DYM: variants seen among roughly 807,000 people sequenced by gnomAD.
DYM encodes the protein dymeclin.
A neutral mutation model predicts 93.1 loss-of-function variants in DYM; 78 were observed. That is an observed-to-expected ratio of 0.84 (90% confidence interval 0.70 to 1.01). DYM has a LOEUF of 1.01. Ranked by LOEUF, DYM falls within the 50% of genes least tolerant of loss-of-function variation. The pLI is 0.00. For missense variants in DYM, 789 were observed against 845.0 expected (o/e 0.93, Z 0.82); for synonymous variants, 321 against 319.7 (o/e 1.00, Z -0.04).
At chr18:49,244,958 G>A (rs2094129250) in intron 13 of DYM, among the ~76,000 whole-genome samples, 1 of 152,222 alleles carries the variant, frequency 6.6e-6, no homozygotes, top group Admixed American at 6.5e-5. Context: ...CAGAGGGACT[G>A]GCTGAAGCCA....
intron 16 of DYM, among the ~76,000 whole-genome samples, chr18:49,107,858 C>T (rs1300738532): frequency 2.0e-5 from 3 of 152,204 alleles, no homozygotes; most frequent in African/African-American, 7.2e-5. Flanking sequence ...GGGTCAGGGA[C>T]CCACTTGAGA....
intron 2 of DYM, among the ~76,000 whole-genome samples, chr18:49,426,379 C>T (rs140134905): frequency 0.096 from 11,611 of 120,490 alleles, 678 homozygotes; most frequent in East Asian, 0.31. Context: ...GGGAACATCA[C>T]ACACTGGGGC....
chr18:49,335,768 G>A (rs1340364792), intron 6 of DYM, among the ~76,000 whole-genome samples: 1 of 151,930 alleles, frequency 6.6e-6, no homozygotes, highest in East Asian at 1.9e-4. Context: ...ATTTAGATAG[G>A]CAGATGGATG....
At chr18:49,309,900 TCAACCCTATC>T (rs1373395898) in intron 8 of DYM, among the ~76,000 whole-genome samples, 1 of 152,154 alleles carries the variant, frequency 6.6e-6, no homozygotes, top group Non-Finnish European at 1.5e-5. Context: ...AGGGTCGAAA[TCAACCCTATC>T]CAGACGGCAT....
chr18:49,440,059 A>G (rs1021936316), intron 1 of DYM, among the ~76,000 whole-genome samples: 9 of 128,868 alleles, frequency 7.0e-5, no homozygotes, highest in African/African-American at 2.1e-4. Flanking sequence ...TAAATAAAAC[A>G]TGATATGCTC....
At chr18:49,170,524 G>A (rs2088538315) in intron 14 of DYM, among the ~76,000 whole-genome samples, 1 of 152,126 alleles carries the variant, frequency 6.6e-6, no homozygotes, top group Non-Finnish European at 1.5e-5. Context: ...GCTCACACCT[G>A]TAATCCCAGC....
intron 15 of DYM, among the ~76,000 whole-genome samples, chr18:49,146,454 T>C (rs192853315): frequency 6.6e-6 from 1 of 152,338 alleles, no homozygotes; most frequent in East Asian, 1.9e-4. Flanking sequence ...CCCCATTGTC[T>C]CAGCACAAAA....
intron 17 of DYM, among the ~76,000 whole-genome samples, chr18:49,050,974 G>A (rs1041000009): frequency 6.6e-6 from 1 of 152,092 alleles, no homozygotes; most frequent in African/African-American, 2.4e-5. Flanking sequence ...TGTGACACAG[G>A]TATTATTCAC....
chr18:49,108,551 T>C (rs1426073332), intron 16 of DYM, among the ~76,000 whole-genome samples: 1 of 152,188 alleles, frequency 6.6e-6, no homozygotes. Flanking sequence ...TTGGCTCTTC[T>C]TACTGATTTC....
At chr18:49,294,007 G>A (rs1322835692) in intron 8 of DYM, among the ~76,000 whole-genome samples, 4 of 152,162 alleles carry the variant, frequency 2.6e-5, no homozygotes, top group African/African-American at 9.7e-5. Flanking sequence ...GTGTAAGGAA[G>A]GGGTCCAGTT....
At position 49,292,611 on chromosome 18, in the gene DYM, AAAAAAAAAAAAAAACC is replaced by A. The variant is rs1568188918; in HGVS notation, c.764-6011_764-5996del. ...CTGTTGGAAAAAAAAAAAAAAAAAAAAAAAAAAAAAAAAACCCCCACAAAAACCTGTCCACCAGAAA... is the reference window on the plus strand; with the variant it reads ...CTGTTGGAAAAAAAAAAAAAAAAAAACCCACAAAAACCTGTCCACCAGAAA... On this transcript the variant is annotated intron_variant, in intron 8 of 17. Coordinates refer to ENST00000675505, the MANE Select transcript of DYM (RefSeq NM_001353214.3). 4.3e-5 allele frequency among the ~76,000 whole-genome samples: 6 copies of A among 140,444 alleles called. 1 individual carries two copies. Among genetic ancestry groups the A allele is most frequent in the East Asian group, 2.0e-4 (1 of 5,010 alleles). The allele number at this position is 140,444 out of a possible 152,430, so 92.1% of individuals were successfully genotyped here. A position where few individuals can be genotyped will look rare whatever the true frequency, so the allele number is the denominator to read the frequency against.
Position 49,118,871 on chromosome 18 carries a change from T to C in DYM, c.1784A>G (p.Asn595Ser), listed in dbSNP as rs2082139382. 8.7e-6 allele frequency: 14 copies of C among 1,614,004 alleles called. No homozygotes were observed. Among genetic ancestry groups the C allele is most frequent in the Middle Eastern group, 1.7e-4 (1 of 6,058 alleles). The change falls in exon 16 of 18, where the codon AAC (asparagine) becomes AGC (serine). Residue 595 changes from asparagine to serine, a missense_variant. This residue lies in a region of DYM where 225 missense variants were observed against 303.0 expected (regional missense o/e 0.74). Transcript: ENST00000675505. ...EVIRMMLEII[N>S]SCLTNSLHHN... ...GTGAAGGGAATTTGTCAGGCAGGAG[T>C]TGATGATCTCTAACATCATTCGAAT...
intron 17 of DYM, among the ~76,000 whole-genome samples, chr18:49,076,364 AAATATGTTTTAGTGAAACATGCTATCGT>A (rs1372010894): frequency 6.6e-6 from 1 of 152,242 alleles, no homozygotes; most frequent in Non-Finnish European, 1.5e-5. Flanking sequence ...TAAACTACTG[AAATATGTTTTAGTGAAACATGCTATCGT>A]AATAGTTCAA....
chr18:49,317,588 T>C (rs1377322206), intron 8 of DYM, among the ~76,000 whole-genome samples: 48 of 12,660 alleles, frequency 3.8e-3, no homozygotes, highest in African/African-American at 0.024. Context: ...TCTCTCTCTC[T>C]CTCTCTCTCC....
intron 14 of DYM, among the ~76,000 whole-genome samples, chr18:49,201,133 A>G (rs1306706936): frequency 6.6e-6 from 1 of 152,222 alleles, no homozygotes; most frequent in Non-Finnish European, 1.5e-5. Flanking sequence ...CGGTAATAAG[A>G]ATACCCCTAG....
intron 13 of DYM, among the ~76,000 whole-genome samples, chr18:49,233,020 G>A (rs542308650): frequency 6.6e-6 from 1 of 152,238 alleles, no homozygotes; most frequent in East Asian, 1.9e-4. Context: ...TACATGGATT[G>A]GTTACAAACT....
intron 6 of DYM, among the ~76,000 whole-genome samples, chr18:49,361,303 C>T (rs1462548842): frequency 2.6e-5 from 4 of 152,280 alleles, no homozygotes; most frequent in East Asian, 1.9e-4. Flanking sequence ...GTGGTTCTCA[C>T]TTCGAAATCT....
intron 5 of DYM, among the ~76,000 whole-genome samples, chr18:49,367,887 ATATT>A (rs1270972540): frequency 4.8e-5 from 6 of 126,092 alleles, no homozygotes; most frequent in Non-Finnish European, 1.0e-4. Context: ...TAATTAAATT[ATATT>A]TATTAAAAAC....
intron 15 of DYM, among the ~76,000 whole-genome samples, chr18:49,144,278 A>C (rs2084840730): frequency 1.3e-5 from 2 of 151,380 alleles, no homozygotes; most frequent in African/African-American, 4.9e-5. Context: ...TTGGTAGCTA[A>C]ATTTAGAGGC....
Sources: allele counts gnomAD v4.1 joint callset (sites outside exome capture counted in the v4.1 genomes callset), GRCh38; gene constraint gnomAD v4.1.1; regional missense constraint gnomAD v4.1.1; transcripts MANE v1.5; gene names NCBI Gene and HGNC (gene_info 2026-07-23, HGNC 2026-07-21).